The following KIRREL3 variants were observed in gnomAD, a reference collection of about 807,000 sequenced individuals.
The protein encoded by KIRREL3 is kin of IRRE-like protein 3.
In KIRREL3, 36 loss-of-function variants were observed where a neutral mutation model predicts 89.7. The observed-to-expected ratio is 0.40, with a 90% CI of 0.31 to 0.53. The LOEUF is 0.53. Ranked by LOEUF, KIRREL3 falls within the 20% of genes least tolerant of loss-of-function variation. The pLI is 0.49. For synonymous variants in KIRREL3, 445 were observed against 441.4 expected, an observed-to-expected ratio of 1.01 and a Z score of -0.10; for missense variants, 864 against 1,056.6, an observed-to-expected ratio of 0.82 and a Z score of 2.53.
chr11:126,947,586 G>T (rs1164800740), intron 1 of KIRREL3, among the ~76,000 whole-genome samples: 1 of 152,218 alleles, frequency 6.6e-6, no homozygotes, highest in African/African-American at 2.4e-5. Context: ...AGTTTTATGT[G>T]CACACGGAAC....
chr11:126,598,646 G>A (rs1310720561), intron 1 of KIRREL3, among the ~76,000 whole-genome samples: 3 of 152,196 alleles, frequency 2.0e-5, no homozygotes, highest in African/African-American at 7.2e-5. Flanking sequence ...TTCATTTTAT[G>A]TGAGAGAAAA....
At position 126,431,119 on chromosome 11, in the gene KIRREL3, C is replaced by G. The variant is rs544853598; in HGVS notation, c.1696+300G>C. On this transcript the variant is annotated intron_variant, in intron 14 of 16. Transcript: ENST00000525144. The surrounding 1 kb of genome is among the most constrained non-coding windows in gnomAD (Gnocchi z 7.1). The stretch of plus-strand genomic sequence containing the variant: ...GATCAAACCACAAACCGCTTTTCCC[C>G]CTATCTTTCTGTACAGTTCCTGACT... 3.9e-5 allele frequency: 55 copies of G among 1,411,642 alleles called. No individual in the cohort carries two copies. Among genetic ancestry groups the G allele is most frequent in the Non-Finnish European group, 4.9e-5 (53 of 1,086,568 alleles). 87.4% of individuals were successfully genotyped at this position (1,411,642 alleles called of 1,614,324 possible).
At chr11:126,450,473 GC>G (rs1956013769) in intron 7 of KIRREL3, among the ~76,000 whole-genome samples, 3 of 150,786 alleles carry the variant, frequency 2.0e-5, no homozygotes, top group African/African-American at 4.9e-5. Context: ...GTGAATGTGT[GC>G]ATGTGTGTGG....
At position 126,788,294 on chromosome 11, in the gene KIRREL3, C is replaced by T. The variant is rs1950540794; in HGVS notation, c.55+212161G>A. On this transcript the variant is annotated intron_variant, in intron 1 of 16. Coordinates refer to ENST00000525144, the MANE Select transcript of KIRREL3 (RefSeq NM_032531.4). This position sits in a 1 kb window ranked among gnomAD's most constrained non-coding sequence, Gnocchi z 4.1. Reference sequence around the variant, plus strand: ...CCCAATTCTTTTGCATACATTTGGGCTTCCACTTCCACTTGCTGAGATATG... The same window carrying T: ...CCCAATTCTTTTGCATACATTTGGGTTTCCACTTCCACTTGCTGAGATATG... Among the ~76,000 whole-genome samples, 2 of 152,238 alleles carry T rather than the reference C, an allele frequency of 1.3e-5. No homozygotes were observed. Among genetic ancestry groups the T allele is most frequent in the East Asian group, 1.9e-4 (1 of 5,196 alleles).
In KIRREL3 at chr11:126,954,894, G is replaced by A. The variant is rs964825249; in HGVS notation, c.55+45561C>T. 1.3e-5 allele frequency among the ~76,000 whole-genome samples: 2 copies of A among 152,098 alleles called. No individual in the cohort carries two copies. The highest frequency in any genetic ancestry group is 1.3e-4 in the Admixed American group (2 of 15,260). ...TAGGTAATGAAAGCAGAAAGAAGAC[G>A]CACCTCAAACATACTGTGTGGGCAA... On this transcript the variant is annotated intron_variant, in intron 1 of 16. Coordinates refer to ENST00000525144, the MANE Select transcript of KIRREL3 (RefSeq NM_032531.4). The surrounding 1 kb of genome is among the most constrained non-coding windows in gnomAD (Gnocchi z 4.1).
intron 4 of KIRREL3, among the ~76,000 whole-genome samples, chr11:126,510,429 C>CTTCCTTCCTTCT (rs1958180923): frequency 3.9e-5 from 5 of 129,870 alleles, no homozygotes; most frequent in African/African-American, 1.4e-4. Context: ...TGTTTCCTTC[C>CTTCCTTCCTTCT]TTCCTTCCTT....
chr11:126,657,248 TTAAA>T (rs1032242355), intron 1 of KIRREL3, among the ~76,000 whole-genome samples: 1,223 of 30,336 alleles, frequency 0.04, 5 homozygotes, highest in Non-Finnish European at 0.049. Context: ...AAATAAATAA[TTAAA>T]TAAATAAATA....
intron 1 of KIRREL3, among the ~76,000 whole-genome samples, chr11:126,727,958 A>G (rs1037503113): frequency 4.6e-5 from 7 of 152,012 alleles, no homozygotes; most frequent in African/African-American, 1.7e-4. Context: ...GGCTTGAAGT[A>G]GGGCTGTCTC....
chr11:126,674,003 A>T (rs1946075174), intron 1 of KIRREL3, among the ~76,000 whole-genome samples: 1 of 152,044 alleles, frequency 6.6e-6, no homozygotes, highest in Non-Finnish European at 1.5e-5. Flanking sequence ...AATATGGGTA[A>T]CCCCTTAACT....
intron 1 of KIRREL3, among the ~76,000 whole-genome samples, chr11:126,874,545 T>C (rs1302092520): frequency 2.0e-5 from 3 of 152,212 alleles, no homozygotes; most frequent in Admixed American, 6.5e-5. Flanking sequence ...TGCATTCTGC[T>C]CCATTTGGAT....
chr11:126,487,465 T>G (rs1411965615), intron 4 of KIRREL3, among the ~76,000 whole-genome samples: 1 of 152,152 alleles, frequency 6.6e-6, no homozygotes. Flanking sequence ...CTACAAACAC[T>G]CATTTCAGGG....
At position 126,778,731 on chromosome 11, in the gene KIRREL3, C is replaced by G. The variant is rs1463805435; in HGVS notation, c.56-215819G>C. Among the ~76,000 whole-genome samples, 1 of 152,170 alleles carries G rather than the reference C, an allele frequency of 6.6e-6. No individual in the cohort carries two copies. Among genetic ancestry groups the G allele is most frequent in the Non-Finnish European group, 1.5e-5 (1 of 68,032 alleles). ...TCCCGCTAGTAATGTTCAGAGAGTG[C>G]TATGTTAGCTCTTTGTGAACAAAAG... On this transcript the variant is annotated intron_variant, in intron 1 of 16. Coordinates refer to ENST00000525144, the MANE Select transcript of KIRREL3 (RefSeq NM_032531.4). The surrounding 1 kb of genome is among the most constrained non-coding windows in gnomAD (Gnocchi z 4.5).
chr11:126,817,489 A>G lies in KIRREL3; in HGVS notation c.55+182966T>C, dbSNP rs900803711. On this transcript the variant is annotated intron_variant, in intron 1 of 16. Transcript: ENST00000525144. The surrounding 1 kb of genome is among the most constrained non-coding windows in gnomAD (Gnocchi z 5.7). Reference sequence around the variant, plus strand: ...AATATCCTCAGGCTTCTACCTTCCCATTTCTCCCACCAATCAGGCATTAGC... The same window carrying G: ...AATATCCTCAGGCTTCTACCTTCCCGTTTCTCCCACCAATCAGGCATTAGC... Among the ~76,000 whole-genome samples, 2 of 152,084 alleles carry G rather than the reference A, an allele frequency of 1.3e-5. No individual in the cohort carries two copies. The highest frequency in any genetic ancestry group is 4.8e-5 in the African/African-American group (2 of 41,408).
intron 1 of KIRREL3, among the ~76,000 whole-genome samples, chr11:126,586,833 C>G (rs190685330): frequency 2.2e-4 from 34 of 152,156 alleles, no homozygotes; most frequent in Admixed American, 1.8e-3. Context: ...TCCTTGGTAA[C>G]CAACCATCCA....
Position 126,768,333 on chromosome 11 carries a change from T to A in KIRREL3, c.56-205421A>T, listed in dbSNP as rs1949912516. On this transcript the variant is annotated intron_variant, in intron 1 of 16. Coordinates refer to ENST00000525144, the MANE Select transcript of KIRREL3 (RefSeq NM_032531.4). The surrounding 1 kb of genome is among the most constrained non-coding windows in gnomAD (Gnocchi z 4.5). The stretch of plus-strand genomic sequence containing the variant: ...TGTCCATCTGTCCATCCATACTGCA[T>A]CCATCCATCCACTTATCCCACAAAT... 6.6e-6 allele frequency among the ~76,000 whole-genome samples: 1 copy of A among 152,222 alleles called. No homozygotes were observed. Among genetic ancestry groups the A allele is most frequent in the African/African-American group, 2.4e-5 (1 of 41,466 alleles).
chr11:126,525,567 A>ATTTTTATTTTCCT lies in KIRREL3; in HGVS notation c.283+970_283+971insAGGAAAATAAAAA, dbSNP rs1958723944. 6.6e-6 allele frequency among the ~76,000 whole-genome samples: 1 copy of ATTTTTATTTTCCT among 152,172 alleles called. No homozygotes were observed. The highest frequency in any genetic ancestry group is 1.5e-5 in the Non-Finnish European group (1 of 68,032). On this transcript the variant is annotated intron_variant, in intron 3 of 16. Transcript: ENST00000525144. The surrounding 1 kb of genome is among the most constrained non-coding windows in gnomAD (Gnocchi z 5.4). ...TAATTTCCCAACCATCATGTTCCTGAGTGCACTTCGATTTTTATTTTCCTG... is the reference window on the plus strand; with the variant it reads ...TAATTTCCCAACCATCATGTTCCTGATTTTTATTTTCCTGTGCACTTCGATTTTTATTTTCCTG...
intron 1 of KIRREL3, among the ~76,000 whole-genome samples, chr11:126,638,226 C>G (rs10790817): frequency 6.6e-6 from 1 of 152,182 alleles, no homozygotes; most frequent in East Asian, 1.9e-4. Context: ...CCCATTTCCT[C>G]TTGACAGAAT....
chr11:126,767,543 TATACACTGTGTATAACGAC>T (rs796460776), intron 1 of KIRREL3, among the ~76,000 whole-genome samples: 1 of 152,142 alleles, frequency 6.6e-6, no homozygotes, highest in Non-Finnish European at 1.5e-5. Context: ...TGTATAATGA[TATACACTGTGTATAACGAC>T]ATACACTGTA....
rs975120851 is a variant in KIRREL3 at position 127,000,133 on chromosome 11, C to T, written c.55+322G>A. Among the ~76,000 whole-genome samples the T allele has an allele frequency of 6.6e-6, 1 of 152,156 alleles. No individual in the cohort carries two copies. The highest frequency in any genetic ancestry group is 2.4e-5 in the African/African-American group (1 of 41,432). On this transcript the variant is annotated intron_variant, in intron 1 of 16. Coordinates refer to ENST00000525144, the MANE Select transcript of KIRREL3 (RefSeq NM_032531.4). This position sits in a 1 kb window ranked among gnomAD's most constrained non-coding sequence, Gnocchi z 7.1. ...TGCCCAGAAGTTCAGAGCGGCATAA[C>T]CACAGAGATACTACCTAATTAACAT...
Sources: gnomAD v4.1 joint callset for allele counts (sites outside exome capture counted in the v4.1 genomes callset) on GRCh38, gnomAD v4.1.1 for gene constraint, Gnocchi (gnomAD v3.1) non-coding constraint, MANE v1.5 for transcripts, NCBI Gene and HGNC (gene_info 2026-07-23, HGNC 2026-07-21) for gene names.